The following TENM4 variants were observed in gnomAD, a reference collection of about 807,000 sequenced individuals.
TENM4 encodes teneurin-4.
In TENM4, 82 loss-of-function variants were observed where a neutral mutation model predicts 243.3. The ratio of observed to expected loss-of-function variants is 0.34; its 90% CI spans 0.28 to 0.40. The LOEUF (loss-of-function observed/expected upper bound fraction) is 0.40. Ranked by LOEUF, TENM4 falls within the 10% of genes least tolerant of loss-of-function variation. The pLI is 1.00. For missense variants in TENM4, 3,138 were observed against 3,673.3 expected, an observed-to-expected ratio of 0.85 and a Z score of 3.77; for synonymous variants, 1,412 against 1,456.3, an observed-to-expected ratio of 0.97 and a Z score of 0.69.
chr11:78,797,994 A>T (rs1041192873), intron 15 of TENM4, among the ~76,000 whole-genome samples: 16 of 152,226 alleles, frequency 1.1e-4, no homozygotes, highest in African/African-American at 3.9e-4. Context: ...CAGAGAAGGA[A>T]CAATTCTAGC....
chr11:78,676,119 C>T (rs547533824), intron 30 of TENM4, 33 bp downstream of exon 30: 4 of 1,457,982 alleles, frequency 2.7e-6, no homozygotes, highest in South Asian at 1.4e-5. Context: ...TCTTTCCCCC[C>T]AGGACGCAGC....
chr11:79,338,427 C>G (rs897754236), intron 1 of TENM4, among the ~76,000 whole-genome samples: 5 of 152,192 alleles, frequency 3.3e-5, no homozygotes, highest in Non-Finnish European at 7.3e-5. Context: ...ACGGGATGGC[C>G]CCTGACTGCC....
chr11:79,026,847 AG>A (rs1281494620), intron 6 of TENM4, among the ~76,000 whole-genome samples: 1 of 152,158 alleles, frequency 6.6e-6, no homozygotes, highest in Non-Finnish European at 1.5e-5. Context: ...CTCTGGTAAA[AG>A]GGCAAAACAA....
intron 6 of TENM4, among the ~76,000 whole-genome samples, chr11:78,931,241 T>A (rs606211): frequency 0.81 from 123,152 of 152,086 alleles, 50,540 homozygotes; most frequent in Non-Finnish European, 0.88. Context: ...GGTTTCTCTC[T>A]ATCTCTCTTT....
At chr11:78,803,704 G>T (rs530560879) in intron 15 of TENM4, among the ~76,000 whole-genome samples, 1 of 152,154 alleles carries the variant, frequency 6.6e-6, no homozygotes, top group Non-Finnish European at 1.5e-5. Context: ...AAAGTTATAC[G>T]TACCTCCTCA....
At chr11:79,001,252 A>G (rs1463979772) in intron 6 of TENM4, among the ~76,000 whole-genome samples, 3 of 152,210 alleles carry the variant, frequency 2.0e-5, no homozygotes, top group Non-Finnish European at 2.9e-5. Context: ...AGGCTGGGAC[A>G]TCAGGAAGAC....
chr11:79,250,175 C>G (rs1285473983), intron 2 of TENM4, among the ~76,000 whole-genome samples: 1 of 152,028 alleles, frequency 6.6e-6, no homozygotes, highest in Non-Finnish European at 1.5e-5. Context: ...TTAGTAGAGA[C>G]AGGTTTTCAC....
intron 1 of TENM4, among the ~76,000 whole-genome samples, chr11:79,339,000 A>T (rs535792273): frequency 6.6e-6 from 1 of 152,324 alleles, no homozygotes; most frequent in Admixed American, 6.5e-5. Flanking sequence ...GCGGGAGATG[A>T]TGGAGCTGTG....
intron 30 of TENM4, among the ~76,000 whole-genome samples, chr11:78,675,935 A>G (rs1463962368): frequency 2.6e-5 from 4 of 152,172 alleles, no homozygotes; most frequent in African/African-American, 9.7e-5. Context: ...TGGAAATTCA[A>G]CTCAGACCTG....
intron 3 of TENM4, among the ~76,000 whole-genome samples, chr11:79,201,372 T>C (rs1394247748): frequency 6.6e-6 from 1 of 152,146 alleles, no homozygotes; most frequent in Non-Finnish European, 1.5e-5. Context: ...AGCTCTGCCA[T>C]ATGCCTGCTG....
chr11:79,051,301 A>C (rs557323843), intron 6 of TENM4, among the ~76,000 whole-genome samples: 1 of 152,186 alleles, frequency 6.6e-6, no homozygotes, highest in African/African-American at 2.4e-5. Flanking sequence ...CGAGGCATGG[A>C]GAGATGAAGA....
chr11:78,740,039 C>T (rs567874835), intron 19 of TENM4, among the ~76,000 whole-genome samples: 8 of 152,184 alleles, frequency 5.3e-5, no homozygotes, highest in Non-Finnish European at 1.2e-4. Context: ...AGAAAGCCCT[C>T]GCTGAAAGAC....
chr11:79,020,300 G>A (rs1428845626), intron 6 of TENM4, among the ~76,000 whole-genome samples: 2 of 152,152 alleles, frequency 1.3e-5, no homozygotes, highest in African/African-American at 2.4e-5. Flanking sequence ...GACACAAAAA[G>A]CACTATTAGA....
At chr11:79,004,941 C>CA (rs58631195) in intron 6 of TENM4, among the ~76,000 whole-genome samples, 28 of 87,792 alleles carry the variant, frequency 3.2e-4, no homozygotes, top group Admixed American at 1.5e-3. Context: ...ATAGAAATAC[C>CA]AAAAAAAAAA....
At chr11:79,111,252 A>G (rs964921480) in intron 4 of TENM4, among the ~76,000 whole-genome samples, 23 of 152,152 alleles carry the variant, frequency 1.5e-4, no homozygotes, top group African/African-American at 5.3e-4. Flanking sequence ...AGTCCATCAA[A>G]CCTCTTTTTC....
chr11:79,426,395 G>A (rs1859050395), intron 1 of TENM4, among the ~76,000 whole-genome samples: 1 of 152,182 alleles, frequency 6.6e-6, no homozygotes, highest in African/African-American at 2.4e-5. Flanking sequence ...CCTCAGGCAA[G>A]ATGTCTAACC....
chr11:79,067,273 C>T (rs1022440757), intron 5 of TENM4, among the ~76,000 whole-genome samples: 11 of 152,164 alleles, frequency 7.2e-5, no homozygotes, highest in African/African-American at 1.2e-4. Flanking sequence ...TGCTCTCCTT[C>T]AAAGAAAAAG....
chr11:78,692,519 G>C (rs1435582963), intron 28 of TENM4, among the ~76,000 whole-genome samples: 1 of 152,064 alleles, frequency 6.6e-6, no homozygotes, highest in Non-Finnish European at 1.5e-5. Flanking sequence ...TTCTTCCCAG[G>C]GCCCCCAGGA....
chr11:78,946,760 G>A (rs1204205151), intron 6 of TENM4, among the ~76,000 whole-genome samples: 1 of 152,184 alleles, frequency 6.6e-6, no homozygotes. Context: ...GCTCTCACGG[G>A]TGACTTTGAG....
Sources: gnomAD v4.1 joint callset for allele counts (sites outside exome capture counted in the v4.1 genomes callset) on GRCh38, gnomAD v4.1.1 for gene constraint, MANE v1.5 for transcripts, NCBI Gene and HGNC (gene_info 2026-07-23, HGNC 2026-07-21) for gene names.